Variants in SPAG9 observed in about 807,000 individuals in gnomAD.
The protein encoded by SPAG9 is sperm associated antigen 9.
Under a neutral mutation model 166.5 loss-of-function variants are expected in SPAG9, and 35 were observed. The ratio of observed to expected loss-of-function variants is 0.21; its 90% CI spans 0.16 to 0.28. The LOEUF (loss-of-function observed/expected upper bound fraction) is 0.28, where lower values mean the gene tolerates loss of function less well. Ranked by LOEUF, SPAG9 falls within the 10% of genes least tolerant of loss-of-function variation. The pLI is 1.00. For synonymous variants in SPAG9, 534 were observed against 565.5 expected, an observed-to-expected ratio of 0.94 and a Z score of 0.79; for missense variants, 1,235 against 1,603.3, an observed-to-expected ratio of 0.77 and a Z score of 3.92.
chr17:51,019,579 G>A (rs896872577), intron 8 of SPAG9, among the ~76,000 whole-genome samples: 16 of 149,120 alleles, frequency 1.1e-4, no homozygotes, highest in East Asian at 6.1e-4. Flanking sequence ...AAGGCTGGGC[G>A]CAGTGGCTCA....
intron 2 of SPAG9, among the ~76,000 whole-genome samples, chr17:51,058,121 T>C (rs1373192297): frequency 6.6e-6 from 1 of 152,200 alleles, no homozygotes; most frequent in Non-Finnish European, 1.5e-5. Flanking sequence ...AAAACAAAAA[T>C]TGGATGCTGA....
At chr17:50,995,599 A>G in intron 16 of SPAG9, 66 bp from the exon 17 acceptor site, 2 of 928,784 alleles carry the variant, frequency 2.2e-6, no homozygotes. Context: ...TGAACTTATT[A>G]CAGATCCACT....
At chr17:51,030,474 C>T (rs1013663490) in intron 6 of SPAG9, among the ~76,000 whole-genome samples, 7 of 152,144 alleles carry the variant, frequency 4.6e-5, no homozygotes, top group African/African-American at 1.7e-4. Context: ...TACTTTTATA[C>T]CTACATTTCT....
intron 3 of SPAG9, among the ~76,000 whole-genome samples, chr17:51,054,731 T>G (rs2047313376): frequency 6.6e-6 from 1 of 152,030 alleles, no homozygotes. Context: ...CCACCGCACC[T>G]GGCCAAATGT....
At chr17:51,015,515 T>C (rs565185503) in intron 8 of SPAG9, among the ~76,000 whole-genome samples, 1 of 152,100 alleles carries the variant, frequency 6.6e-6, no homozygotes, top group East Asian at 1.9e-4. Flanking sequence ...GAGTACCAGA[T>C]GTCTAAAGAA....
chr17:51,060,195 G>A (rs2047465556), intron 2 of SPAG9, among the ~76,000 whole-genome samples: 1 of 151,896 alleles, frequency 6.6e-6, no homozygotes, highest in Non-Finnish European at 1.5e-5. Flanking sequence ...TGCATTTGGG[G>A]GATAGGGCCT....
Position 50,966,126 on chromosome 17 carries a change from T to C in SPAG9, c.*146A>G, listed in dbSNP as rs1973349276. Reference sequence around the variant, plus strand: ...CTCTGTATTGTTATGGTAGAACGGATTTTGTAATATAAAGTTAACAGGAAA... The same window carrying C: ...CTCTGTATTGTTATGGTAGAACGGACTTTGTAATATAAAGTTAACAGGAAA... On this transcript the variant is annotated 3_prime_UTR_variant, in exon 30 of 30. Transcript: ENST00000262013. The C allele has an allele frequency of 3.0e-6, 2 of 662,582 alleles. No individual in the cohort carries two copies. Among genetic ancestry groups the C allele is most frequent in the South Asian group, 3.5e-5 (2 of 57,792 alleles). 41.0% of individuals were successfully genotyped at this position (662,582 alleles called of 1,614,324 possible).
At chr17:51,014,967 T>C (rs895684177) in intron 8 of SPAG9, among the ~76,000 whole-genome samples, 3 of 151,878 alleles carry the variant, frequency 2.0e-5, no homozygotes, top group South Asian at 2.1e-4. Context: ...CTATTATTAA[T>C]AGAAAAAACT....
Position 51,077,005 on chromosome 17 carries a change from GCTAGCTAGCTAGCTATCTAGCTATCTAT to G in SPAG9, c.424+2551_424+2578del, listed in dbSNP as rs2047997323. ...TCTTATCTAGCTATCTAGCTATCTA[GCTAGCTAGCTAGCTATCTAGCTATCTAT>G]CTAGCTATCTAGCTATCTAGCTAGC... On this transcript the variant is annotated intron_variant, in intron 2 of 29. Transcript: ENST00000262013. Among the ~76,000 whole-genome samples, 64 of 92,530 alleles carry G rather than the reference GCTAGCTAGCTAGCTATCTAGCTATCTAT, an allele frequency of 6.9e-4. 1 individual carries two copies. The highest frequency in any genetic ancestry group is 3.0e-3 in the African/African-American group (63 of 21,110). 60.7% of individuals were successfully genotyped at this position (92,530 alleles called of 152,430 possible).
intron 1 of SPAG9, among the ~76,000 whole-genome samples, chr17:51,103,341 G>A (rs2048856506): frequency 6.6e-6 from 1 of 152,178 alleles, no homozygotes; most frequent in Non-Finnish European, 1.5e-5. Context: ...AGGGCAAGAG[G>A]ACTGTAAGCT....
intron 2 of SPAG9, among the ~76,000 whole-genome samples, chr17:51,066,695 C>G (rs1160045561): frequency 6.6e-6 from 1 of 151,384 alleles, no homozygotes; most frequent in African/African-American, 2.4e-5. Context: ...AGATCAAGAC[C>G]ATCCTGGCCA....
intron 1 of SPAG9, among the ~76,000 whole-genome samples, chr17:51,116,999 G>A (rs1324908196): frequency 1.3e-5 from 2 of 152,140 alleles, no homozygotes; most frequent in African/African-American, 4.8e-5. Flanking sequence ...GCCCAAAGGA[G>A]AGAGTGATGG....
At chr17:51,079,457 T>C (rs1166620773) in intron 2 of SPAG9, 127 bp downstream of exon 2, 1 of 776,546 alleles carries the variant, frequency 1.3e-6, no homozygotes, top group Admixed American at 2.6e-5. Context: ...CAGGCTGGTC[T>C]TGAACTCCTG....
chr17:51,101,484 CA>C (rs1203804076), intron 1 of SPAG9, among the ~76,000 whole-genome samples: 1 of 151,060 alleles, frequency 6.6e-6, no homozygotes, highest in Non-Finnish European at 1.5e-5. Context: ...AACAAACAAA[CA>C]AAAAAGGTAT....
At chr17:51,071,447 G>A (rs759288537) in intron 2 of SPAG9, among the ~76,000 whole-genome samples, 6 of 152,064 alleles carry the variant, frequency 3.9e-5, no homozygotes, top group Non-Finnish European at 5.9e-5. Context: ...TTAACAGGAC[G>A]TATTATTGCT....
intron 26 of SPAG9, among the ~76,000 whole-genome samples, chr17:50,978,875 T>C (rs1974377056): frequency 6.6e-6 from 1 of 152,140 alleles, no homozygotes; most frequent in Admixed American, 6.5e-5. Context: ...AGGTAATATC[T>C]GCACCTTGGT....
intron 27 of SPAG9, chr17:50,975,201 C>T: frequency 8.3e-6 from 3 of 361,828 alleles, no homozygotes; most frequent in Middle Eastern, 7.4e-4. Flanking sequence ...TTAAACACAT[C>T]TATTCATTTA....
intron 1 of SPAG9, among the ~76,000 whole-genome samples, chr17:51,079,972 CT>C (rs1255192248): frequency 6.6e-6 from 1 of 152,112 alleles, no homozygotes; most frequent in African/African-American, 2.4e-5. Flanking sequence ...TATATAAACC[CT>C]TTTGTATACT....
rs71149334 is a variant in SPAG9 at position 50,997,139 on chromosome 17, A to AAAAC, written c.1839-449_1839-446dup. Among the ~76,000 whole-genome samples the AAAAC allele has an allele frequency of 1.6e-4, 24 of 151,934 alleles. No individual in the cohort carries two copies. In the East Asian group the frequency reaches 2.3e-3, roughly 15 times the overall value. ...GGACAAGAGCAAAACTCCATCTCAA[A>AAAAC]AAACAAACAAACAAACAAACAAAGT... On this transcript the variant is annotated intron_variant, in intron 15 of 29. Transcript: ENST00000262013.
Sources: allele counts gnomAD v4.1 joint callset (sites outside exome capture counted in the v4.1 genomes callset), GRCh38; gene constraint gnomAD v4.1.1; transcripts MANE v1.5; gene names NCBI Gene and HGNC (gene_info 2026-07-23, HGNC 2026-07-21).